TBCCD1: variants seen among roughly 807,000 people sequenced by gnomAD.
TBCCD1 encodes the protein TBCC domain containing 1.
TBCCD1 carries 26 observed loss-of-function variants against 53.4 expected under a neutral mutation model. The ratio of observed to expected loss-of-function variants is 0.49; its 90% CI spans 0.36 to 0.68. The LOEUF is 0.68. TBCCD1 is among the 30% of genes least tolerant of loss of function. The pLI, the probability that TBCCD1 is intolerant of heterozygous loss-of-function variation, is 0.00. For synonymous variants in TBCCD1, 245 were observed against 241.7 expected, an observed-to-expected ratio of 1.01 and a Z score of -0.13; for missense variants, 558 against 669.5, an observed-to-expected ratio of 0.83 and a Z score of 1.84.
intron 2 of TBCCD1, among the ~76,000 whole-genome samples, chr3:186,563,349 A>G (rs1420888157): frequency 6.6e-6 from 1 of 152,122 alleles, no homozygotes; most frequent in Non-Finnish European, 1.5e-5. Context: ...TACTTTGTGT[A>G]TTCTTTTATT....
At chr3:186,560,434 GTATGTAAT>G (rs1484932909) in intron 2 of TBCCD1, among the ~76,000 whole-genome samples, 1 of 152,066 alleles carries the variant, frequency 6.6e-6, no homozygotes, top group Non-Finnish European at 1.5e-5. Context: ...TTCTTCCTGG[GTATGTAAT>G]TAGATGGCAT....
chr3:186,558,199 G>C (rs7652457), intron 3 of TBCCD1, among the ~76,000 whole-genome samples: 3,820 of 152,128 alleles, frequency 0.025, 156 homozygotes, highest in African/African-American at 0.087. Flanking sequence ...ATCAGCAAGT[G>C]GTTTTCCTAC....
Position 186,558,430 on chromosome 3 carries a change from T to A in TBCCD1, c.479A>T (p.Asn160Ile). 1 of 1,613,956 alleles carries A rather than the reference T, an allele frequency of 6.2e-7. No homozygotes were observed. Among genetic ancestry groups the A allele is most frequent in the Non-Finnish European group, 8.5e-7 (1 of 1,179,952 alleles). ...SQSPDLTEKS[N>I]CHNKNWNDYS... ...TATAAGGAGTACCTTATTATGACAA[T>A]TAGATTTTTCAGTCAGGTCAGGAGA... The change falls in exon 3 of 8, where the codon AAT becomes ATT. Residue 160 changes from asparagine to isoleucine, a missense_variant. Physicochemically the swap from Asn to Ile is moderately radical, Grantham distance 149. Transcript: ENST00000338733.
upstream of TBCCD1, chr3:186,567,696 T>C (rs994314819): frequency 1.5e-4 from 23 of 152,280 alleles, no homozygotes; most frequent in African/African-American, 5.3e-4. Flanking sequence ...AAAGCAACTT[T>C]ATGTGTATTT....
intron 6 of TBCCD1, among the ~76,000 whole-genome samples, chr3:186,551,748 G>C (rs1016427758): frequency 2.0e-5 from 3 of 152,238 alleles, no homozygotes; most frequent in African/African-American, 7.2e-5. Flanking sequence ...GCCAACGCGG[G>C]TGGATCGCTT....
chr3:186,554,937 C>A lies in TBCCD1; in HGVS notation c.1007G>T (p.Arg336Leu), dbSNP rs373416994. The A allele has an allele frequency of 1.9e-6, 3 of 1,613,682 alleles. No homozygotes were observed. Among genetic ancestry groups the A allele is most frequent in the South Asian group, 1.1e-5 (1 of 91,054 alleles). Residue 336 changes from arginine to leucine, a missense_variant, in exon 5 of 8, where the codon CGT becomes CTT. Arg to Leu is a moderately radical substitution (Grantham distance 102, BLOSUM62 -2). Coordinates refer to ENST00000338733, the MANE Select transcript of TBCCD1 (RefSeq NM_018138.5). Reference protein sequence around the residue: ...TLAGAHVKIHRCNESFIYLLS... With the variant: ...TLAGAHVKIHLCNESFIYLLS... Reference sequence around the variant, plus strand: ...CAGATATATAAAAGATTCGTTGCAACGATGAATCTTTACATGTGCCCCCGC... The same window carrying A: ...CAGATATATAAAAGATTCGTTGCAAAGATGAATCTTTACATGTGCCCCCGC...
intron 3 of TBCCD1, among the ~76,000 whole-genome samples, chr3:186,557,158 A>G (rs569949744): frequency 5.9e-5 from 9 of 152,338 alleles, no homozygotes; most frequent in Admixed American, 5.2e-4. Flanking sequence ...TTACTCAGAG[A>G]GGTCGTGCTG....
Position 186,555,001 on chromosome 3 carries a change from C to T in TBCCD1, c.943G>A (p.Val315Ile). 6.2e-7 allele frequency: 1 copy of T among 1,614,022 alleles called. No homozygotes were observed. The highest frequency in any genetic ancestry group is 1.3e-5 in the African/African-American group (1 of 75,040). ...CTCTTAGCCAGTGTCTGCTTGTAAACCTGGCTCATCACTACCAGTCGGTGC... is the reference window on the plus strand; with the variant it reads ...CTCTTAGCCAGTGTCTGCTTGTAAATCTGGCTCATCACTACCAGTCGGTGC... ...RMHRLVVMSQ[V>I]YKQTLAKSSD... Residue 315 changes from valine (V) to isoleucine (I), a missense_variant, in exon 5 of 8, where the codon GTT (valine) becomes ATT (isoleucine). Val to Ile is a conservative substitution (Grantham distance 29, BLOSUM62 3). Coordinates refer to ENST00000338733, the MANE Select transcript of TBCCD1 (RefSeq NM_018138.5).
chr3:186,558,278 T>TA (rs1356193377), intron 3 of TBCCD1, 139 bp downstream of exon 3: 602 of 1,082,472 alleles, frequency 5.6e-4, no homozygotes, highest in Non-Finnish European at 6.7e-4. Flanking sequence ...TTTTATAATT[T>TA]AAAAAAAAAG....
intron 7 of TBCCD1, among the ~76,000 whole-genome samples, chr3:186,548,484 C>G (rs1714275934): frequency 6.6e-6 from 1 of 152,160 alleles, no homozygotes; most frequent in African/African-American, 2.4e-5. Context: ...TTAAAAGCTA[C>G]TGAATTCTTT....
At chr3:186,557,995 A>G (rs1714588544) in intron 3 of TBCCD1, among the ~76,000 whole-genome samples, 1 of 152,252 alleles carries the variant, frequency 6.6e-6, no homozygotes, top group Non-Finnish European at 1.5e-5. Flanking sequence ...AGTTAAATTT[A>G]GCTTCTGGGT....
chr3:186,561,929 C>T (rs1332905283), intron 2 of TBCCD1, among the ~76,000 whole-genome samples: 1 of 152,244 alleles, frequency 6.6e-6, no homozygotes, highest in Non-Finnish European at 1.5e-5. Flanking sequence ...CTCCCATGTT[C>T]ATTGCAGCAT....
At chr3:186,562,079 T>C (rs888167680) in intron 2 of TBCCD1, among the ~76,000 whole-genome samples, 1 of 152,124 alleles carries the variant, frequency 6.6e-6, no homozygotes, top group African/African-American at 2.4e-5. Context: ...CAGTGGCTTA[T>C]GCCTGTAATC....
rs1458384315 is a variant in TBCCD1 at position 186,556,611 on chromosome 3, T to C, written c.657A>G (p.Thr219=). ...GATAGATCTTCCTGGCTCTACTTATTGTACCTTCAATAAGGAAGCTGAGCG... is the reference window on the plus strand; with the variant it reads ...GATAGATCTTCCTGGCTCTACTTATCGTACCTTCAATAAGGAAGCTGAGCG... ...VVALSFLIEG[T]ISRARKIYPL... The change falls in exon 4 of 8, where the codon ACA becomes ACG. Residue 219 remains threonine, a synonymous_variant. Coordinates refer to ENST00000338733, the MANE Select transcript of TBCCD1 (RefSeq NM_018138.5). 1.1e-5 allele frequency: 18 copies of C among 1,614,172 alleles called. No homozygotes were observed. Among genetic ancestry groups the C allele is most frequent in the Non-Finnish European group, 1.5e-5 (18 of 1,180,024 alleles).
chr3:186,551,075 T>A (rs547409552), intron 7 of TBCCD1, 54 bp downstream of exon 7: 110 of 1,560,226 alleles, frequency 7.1e-5, no homozygotes, highest in African/African-American at 5.4e-4. Context: ...GCCTTTTTTT[T>A]ATGCTTGAAA....
upstream of TBCCD1, among the ~76,000 whole-genome samples, chr3:186,569,484 A>C (rs1416100823): frequency 6.6e-6 from 1 of 151,746 alleles, no homozygotes; most frequent in Non-Finnish European, 1.5e-5. Flanking sequence ...ACACCTGGCT[A>C]ATTTTTGTAG....
At chr3:186,547,780 GTAT>G (rs1277288792) in intron 7 of TBCCD1, among the ~76,000 whole-genome samples, 1 of 151,248 alleles carries the variant, frequency 6.6e-6, no homozygotes, top group Non-Finnish European at 1.5e-5. Context: ...CTAATTTTTT[GTAT>G]TTTTTAGTAG....
rs1560223223 is a variant in TBCCD1, at chr3:186,551,227, A to C, written c.1597T>G (p.Leu533Val). 1 of 1,613,644 alleles carries C rather than the reference A, an allele frequency of 6.2e-7. No homozygotes were observed. Among genetic ancestry groups the C allele is most frequent in the Non-Finnish European group, 8.5e-7 (1 of 1,180,010 alleles). ...VLVENKFYEWLINTGHRQQLD... is the reference protein window; with the variant it reads ...VLVENKFYEWVINTGHRQQLD... ...TGTTGGCGATGTCCTGTATTAATCA[A>C]CCATTCATAAAACTTGTTCTCTACC... The change falls in exon 7 of 8, where the codon TTG becomes GTG. Residue 533 changes from leucine to valine, a missense_variant. Physicochemically the swap from Leu to Val is conservative, Grantham distance 32 (BLOSUM62 1). Coordinates refer to ENST00000338733, the MANE Select transcript of TBCCD1 (RefSeq NM_018138.5).
At chr3:186,556,332 A>T in intron 4 of TBCCD1, 77 bp downstream of exon 4, 1 of 1,503,344 alleles carries the variant, frequency 6.7e-7, no homozygotes, top group South Asian at 1.3e-5. Context: ...AAGACACGAG[A>T]TCACTAATAT....
Sources: gnomAD v4.1 joint callset for allele counts (sites outside exome capture counted in the v4.1 genomes callset) on GRCh38, gnomAD v4.1.1 for gene constraint, MANE v1.5 for transcripts, NCBI Gene and HGNC (gene_info 2026-07-23, HGNC 2026-07-21) for gene names.